MTUS2: variants seen among roughly 807,000 people sequenced by gnomAD.
MTUS2 encodes microtubule-associated tumor suppressor candidate 2.
MTUS2 carries 40 observed loss-of-function variants against 114.1 expected under a neutral mutation model. That is an observed-to-expected ratio of 0.35 (90% CI 0.27 to 0.46). The LOEUF (loss-of-function observed/expected upper bound fraction) is 0.46. Ranked by LOEUF, MTUS2 falls within the 20% of genes least tolerant of loss-of-function variation. The pLI, the probability that MTUS2 is intolerant of heterozygous loss-of-function variation, is 1.00. For synonymous variants in MTUS2, 688 were observed against 672.0 expected (o/e 1.02, Z -0.37); for missense variants, 1,679 against 1,705.4 (o/e 0.98, Z 0.27).
chr13:29,476,273 C>T (rs546128276), intron 9 of MTUS2, among the ~76,000 whole-genome samples: 10 of 152,188 alleles, frequency 6.6e-5, no homozygotes, highest in Admixed American at 2.0e-4. Flanking sequence ...TTTGTCAGAA[C>T]GTATCCCCAT....
intron 2 of MTUS2, among the ~76,000 whole-genome samples, chr13:28,845,948 C>T (rs570749812): frequency 1.1e-3 from 170 of 151,720 alleles, no homozygotes; most frequent in African/African-American, 4.0e-3. Flanking sequence ...CTTCTCACTT[C>T]CAAATGAAGC....
intron 6 of MTUS2, among the ~76,000 whole-genome samples, chr13:29,299,115 C>A (rs947298820): frequency 1.3e-5 from 2 of 152,148 alleles, no homozygotes; most frequent in East Asian, 3.8e-4. Flanking sequence ...AGCTCCATTT[C>A]TTTGCATGAG....
chr13:29,459,044 G>C (rs1879305822), intron 9 of MTUS2, among the ~76,000 whole-genome samples: 1 of 152,202 alleles, frequency 6.6e-6, no homozygotes, highest in African/African-American at 2.4e-5. Flanking sequence ...AAAGCAAAGG[G>C]CCAGAAGTTT....
chr13:29,416,286 C>T (rs1875661827), intron 8 of MTUS2, among the ~76,000 whole-genome samples: 1 of 151,916 alleles, frequency 6.6e-6, no homozygotes, highest in Admixed American at 6.6e-5. Context: ...AATGAATGAA[C>T]TTATTTTACT....
chr13:29,104,327 C>G (rs1284002673), intron 5 of MTUS2, among the ~76,000 whole-genome samples: 2 of 152,186 alleles, frequency 1.3e-5, no homozygotes, highest in Non-Finnish European at 2.9e-5. Context: ...GCCCTGGGTC[C>G]TGGGCTGGTG....
At chr13:28,957,463 A>G (rs1452674058) in intron 2 of MTUS2, among the ~76,000 whole-genome samples, 2 of 152,234 alleles carry the variant, frequency 1.3e-5, no homozygotes, top group African/African-American at 4.8e-5. Context: ...TTCAGAAAAA[A>G]GGAGGATTGC....
intron 8 of MTUS2, among the ~76,000 whole-genome samples, chr13:29,434,213 T>G (rs1471809780): frequency 6.6e-6 from 1 of 152,174 alleles, no homozygotes; most frequent in Non-Finnish European, 1.5e-5. Context: ...CAGTACCCCA[T>G]GTAGCCAACC....
At chr13:29,273,185 C>A (rs1351478746) in intron 5 of MTUS2, among the ~76,000 whole-genome samples, 2 of 152,186 alleles carry the variant, frequency 1.3e-5, no homozygotes, top group African/African-American at 2.4e-5. Context: ...CTCAGACTTA[C>A]ACCTGATTCT....
intron 5 of MTUS2, among the ~76,000 whole-genome samples, chr13:29,116,642 C>T (rs756959873): frequency 6.6e-6 from 1 of 152,168 alleles, no homozygotes. Context: ...CGTCACTCTT[C>T]TTGCACTTTG....
chr13:29,204,995 A>G (rs1895124150), intron 5 of MTUS2, among the ~76,000 whole-genome samples: 1 of 152,154 alleles, frequency 6.6e-6, no homozygotes, highest in Admixed American at 6.5e-5. Context: ...TGATGGTCCC[A>G]GTCAGAGGGA....
At chr13:29,126,065 A>C (rs1210624273) in intron 5 of MTUS2, among the ~76,000 whole-genome samples, 2 of 152,250 alleles carry the variant, frequency 1.3e-5, no homozygotes, top group Non-Finnish European at 2.9e-5. Flanking sequence ...TGGAGTAGAC[A>C]GTGAGGAGAG....
At chr13:28,955,325 A>G (rs1419467043) in intron 2 of MTUS2, among the ~76,000 whole-genome samples, 4 of 152,230 alleles carry the variant, frequency 2.6e-5, no homozygotes, top group Non-Finnish European at 4.4e-5. Flanking sequence ...ACAAACTAAA[A>G]GCAGATTTAT....
At chr13:29,106,748 C>T (rs1890686385) in intron 5 of MTUS2, among the ~76,000 whole-genome samples, 1 of 152,060 alleles carries the variant, frequency 6.6e-6, no homozygotes, top group South Asian at 2.1e-4. Context: ...ATTCTTCTCT[C>T]TCCTCATCTC....
At position 29,024,798 on chromosome 13, in the gene MTUS2, G is replaced by C; in HGVS notation, c.100G>C (p.Asp34His). The C allele has an allele frequency of 6.2e-7, 1 of 1,614,036 alleles. No homozygotes were observed. The highest frequency in any genetic ancestry group is 1.7e-5 in the Admixed American group (1 of 60,026). ...TAATGAAAGCATCTTAAGTCTGGGA[G>C]ATACGAATGCCAATCAAATCATGTT... ...NNNESILSLG[D>H]TNANQIMLEV... The change falls in exon 3 of 16, where the codon GAT becomes CAT. Residue 34 changes from aspartate (D) to histidine (H), a missense_variant. Asp to His is a moderately conservative substitution (Grantham distance 81). Transcript: ENST00000612955.
chr13:29,345,270 C>G (rs141835132), intron 7 of MTUS2, among the ~76,000 whole-genome samples: 18 of 152,200 alleles, frequency 1.2e-4, no homozygotes, highest in African/African-American at 4.3e-4. Context: ...TTCCAGATGT[C>G]TTTCCTTTCT....
chr13:28,917,840 T>G (rs566676792), intron 2 of MTUS2, among the ~76,000 whole-genome samples: 1 of 151,912 alleles, frequency 6.6e-6, no homozygotes, highest in African/African-American at 2.4e-5. Flanking sequence ...TCTTCTTTTT[T>G]GAGGTAGTTA....
intron 2 of MTUS2, among the ~76,000 whole-genome samples, chr13:28,940,403 A>G (rs1392208327): frequency 6.6e-6 from 1 of 152,226 alleles, no homozygotes; most frequent in Non-Finnish European, 1.5e-5. Context: ...TATGGAATAT[A>G]CAAAATAGGT....
At chr13:29,213,341 A>G (rs1279808067) in intron 5 of MTUS2, among the ~76,000 whole-genome samples, 1 of 152,216 alleles carries the variant, frequency 6.6e-6, no homozygotes, top group Non-Finnish European at 1.5e-5. Context: ...AGTGTTCTAC[A>G]AATGTCATAG....
intron 1 of MTUS2, among the ~76,000 whole-genome samples, chr13:28,822,558 G>A (rs1873981050): frequency 6.6e-6 from 1 of 152,192 alleles, no homozygotes; most frequent in Non-Finnish European, 1.5e-5. Flanking sequence ...ATCTCCAGCA[G>A]AGGCAGATCG....
Sources: gnomAD v4.1 joint callset for allele counts (sites outside exome capture counted in the v4.1 genomes callset) on GRCh38, gnomAD v4.1.1 for gene constraint, MANE v1.5 for transcripts, NCBI Gene and HGNC (gene_info 2026-07-23, HGNC 2026-07-21) for gene names.